The following TMEM175 variants were observed in gnomAD, a reference collection of about 807,000 sequenced individuals.
TMEM175 encodes the protein endosomal/lysosomal proton channel TMEM175.
In TMEM175, 36 loss-of-function variants were observed where a neutral mutation model predicts 36.5. The ratio of observed to expected loss-of-function variants is 0.99; its 90% CI spans 0.76 to 1.30. The LOEUF is 1.30. Ranked by LOEUF, TMEM175 falls within the 50% of genes most tolerant of loss-of-function variation. The pLI, the probability that TMEM175 is intolerant of heterozygous loss-of-function variation, is 0.00. For missense variants in TMEM175, 705 were observed against 692.8 expected, an observed-to-expected ratio of 1.02 and a Z score of -0.20; for synonymous variants, 339 against 313.4, an observed-to-expected ratio of 1.08 and a Z score of -0.86.
At chr4:956,344 T>G (rs1466696482) in intron 10 of TMEM175, 1 of 1,290,804 alleles carries the variant, frequency 7.7e-7, no homozygotes, top group Non-Finnish European at 1.0e-6. Flanking sequence ...GGCTGGCTGT[T>G]GCTTCCTTCC....
At chr4:934,996 G>C (rs1222176908) in intron 1 of TMEM175, among the ~76,000 whole-genome samples, 1 of 152,210 alleles carries the variant, frequency 6.6e-6, no homozygotes, top group Non-Finnish European at 1.5e-5. Context: ...CTGAAAGTGA[G>C]AGGGGAAGTA....
At chr4:948,554 C>T (rs1268397063) in intron 3 of TMEM175, 16 of 1,338,742 alleles carry the variant, frequency 1.2e-5, no homozygotes, top group Non-Finnish European at 1.5e-5. Flanking sequence ...TCTGAGTAAA[C>T]GCGGCCAGCG....
intron 10 of TMEM175, chr4:956,298 G>GC (rs1190002920): frequency 3.1e-6 from 4 of 1,281,436 alleles, no homozygotes; most frequent in African/African-American, 1.6e-5. Flanking sequence ...CCCTCCCAGT[G>GC]CCCCCCATCG....
At chr4:956,448 T>G (rs1249098804) in intron 10 of TMEM175, 4 of 1,259,890 alleles carry the variant, frequency 3.2e-6, no homozygotes, top group African/African-American at 1.6e-5. Flanking sequence ...GTGGGGTTTT[T>G]TTTTTTTTTT....
chr4:949,492 G>A (rs1270866068), intron 3 of TMEM175, among the ~76,000 whole-genome samples: 12 of 152,180 alleles, frequency 7.9e-5, no homozygotes, highest in Non-Finnish European at 1.8e-4. Flanking sequence ...GTGAGGAGAG[G>A]GGACTCCTGG....
At chr4:957,765 G>T (rs1182573808) in intron 10 of TMEM175, 59 bp from the exon 11 acceptor site, 2 of 1,532,734 alleles carry the variant, frequency 1.3e-6, no homozygotes, top group Non-Finnish European at 1.8e-6. Context: ...CAGCCACCCT[G>T]CTGGGGCCTG....
At chr4:951,157 A>G (rs765545461) in intron 4 of TMEM175, 50 bp from the exon 5 acceptor site, 3 of 1,537,828 alleles carry the variant, frequency 2.0e-6, no homozygotes, top group South Asian at 2.2e-5. Flanking sequence ...TGTGCATTTA[A>G]TGTTACTACA....
At position 955,431 on chromosome 4, in the gene TMEM175, C is replaced by G; in HGVS notation, c.654C>G (p.Ile218Met). Residue 218 changes from isoleucine (I) to methionine (M), a missense_variant, in exon 9 of 11, where the codon ATC (isoleucine) becomes ATG (methionine). Physicochemically the swap from Ile to Met is conservative, Grantham distance 10 (BLOSUM62 1). Coordinates refer to ENST00000264771, the MANE Select transcript of TMEM175 (RefSeq NM_032326.4). ...CTTACCTGCTGATGGTGACTGTCAT[C>G]CTCCTCCCCTATGTCAGCAAGGTCA... ...PLSYLLMVTVILLPYVSKVTG... is the reference protein window; with the variant it reads ...PLSYLLMVTVMLLPYVSKVTG... 6.2e-7 allele frequency: 1 copy of G among 1,614,142 alleles called. No individual in the cohort carries two copies. Among genetic ancestry groups the G allele is most frequent in the African/African-American group, 1.3e-5 (1 of 75,068 alleles).
chr4:947,256 C>CG (rs754529044), intron 1 of TMEM175, among the ~76,000 whole-genome samples: 1 of 136,742 alleles, frequency 7.3e-6, no homozygotes, highest in Non-Finnish European at 1.6e-5. Flanking sequence ...AGAGCGAGAG[C>CG]GGGGGAGAGC....
rs889573203 is a variant in TMEM175 at position 951,702 on chromosome 4, C to T, written c.363C>T (p.Thr121=). 2 of 1,614,188 alleles carry T rather than the reference C, an allele frequency of 1.2e-6. No homozygotes were observed. Among genetic ancestry groups the T allele is most frequent in the Non-Finnish European group, 8.5e-7 (1 of 1,180,014 alleles). The change falls in exon 6 of 11, where the codon ACC becomes ACT. Residue 121 remains threonine, a synonymous_variant. Coordinates refer to ENST00000264771, the MANE Select transcript of TMEM175 (RefSeq NM_032326.4). ...LLNLACMMTI[T]FLPYTFSLMV... is the part of the protein sequence containing the mutation. Reference sequence around the variant, plus strand: ...TCCAGGCCTGCATGATGACCATCACCTTCCTGCCTTACACGGTGAGCAACA... The same window carrying T: ...TCCAGGCCTGCATGATGACCATCACTTTCCTGCCTTACACGGTGAGCAACA...
chr4:953,135 G>A, intron 7 of TMEM175, 55 bp from the exon 8 acceptor site: 2 of 1,537,064 alleles, frequency 1.3e-6, no homozygotes, highest in African/African-American at 1.4e-5. Flanking sequence ...GTTGACTGCT[G>A]TGGGGGCCCC....
At chr4:948,466 TC>T in intron 3 of TMEM175, 1 of 1,457,776 alleles carries the variant, frequency 6.9e-7, no homozygotes, top group South Asian at 1.2e-5. Context: ...AGAGGAAGGT[TC>T]CGGGCCTGCC....
intron 9 of TMEM175, 46 bp from the exon 10 acceptor site, chr4:955,709 C>T (rs1577447864): frequency 6.2e-7 from 1 of 1,600,186 alleles, no homozygotes; most frequent in Middle Eastern, 1.9e-4. Flanking sequence ...GGCTCTACCT[C>T]CACATGGGGG....
chr4:951,960 G>C (rs1368725113), intron 6 of TMEM175: 7 of 594,652 alleles, frequency 1.2e-5, no homozygotes, highest in Non-Finnish European at 2.1e-5. Flanking sequence ...CCGGCCCTGA[G>C]CCCACAGCCC....
Position 947,731 on chromosome 4 carries a change from G to A in TMEM175, c.-9G>A, listed in dbSNP as rs751404824. 8 of 1,595,600 alleles carry A rather than the reference G, an allele frequency of 5.0e-6. No homozygotes were observed. In the Admixed American group the frequency reaches 6.8e-5, roughly 14 times the overall value. ...CAGGCTCCTGTAACCGCCAGGCAGC[G>A]GCCCCGCCATGTCCCAGCCCCGGAC... is the stretch of plus-strand genomic sequence containing the variant. On this transcript the variant is annotated 5_prime_UTR_variant, in exon 2 of 11. Coordinates refer to ENST00000264771, the MANE Select transcript of TMEM175 (RefSeq NM_032326.4).
intron 10 of TMEM175, chr4:956,179 A>T (rs1286309285): frequency 2.7e-6 from 2 of 736,610 alleles, no homozygotes; most frequent in Non-Finnish European, 4.0e-6. Context: ...TGCTCTCCTC[A>T]CTCCTCTCAG....
At chr4:956,702 C>G in intron 10 of TMEM175, 1 of 344,006 alleles carries the variant, frequency 2.9e-6, no homozygotes, top group East Asian at 8.2e-5. Flanking sequence ...CCTCGGCCTC[C>G]CAAAGTGCTG....
In TMEM175 at chr4:950,360, G is replaced by C. The variant is rs925512832; in HGVS notation, c.193-61G>C. 8 of 1,369,074 alleles carry C rather than the reference G, an allele frequency of 5.8e-6. No homozygotes were observed. The Admixed American group carries it at 1.0e-4, about 17-fold the overall frequency. The allele number at this position is 1,369,074 out of a possible 1,614,324, so 84.8% of individuals were successfully genotyped here. Reference sequence around the variant, plus strand: ...CAGCCCCCCCTCACGGTGCTGTCTCGACTGCCATTCAGGGACACTCATGTC... The same window carrying C: ...CAGCCCCCCCTCACGGTGCTGTCTCCACTGCCATTCAGGGACACTCATGTC... On this transcript the variant is annotated intron_variant, in intron 3 of 10. Coordinates refer to ENST00000264771, the MANE Select transcript of TMEM175 (RefSeq NM_032326.4).
chr4:944,600 T>C (rs1337731327), intron 1 of TMEM175, among the ~76,000 whole-genome samples: 1 of 152,064 alleles, frequency 6.6e-6, no homozygotes, highest in East Asian at 1.9e-4. Context: ...ACACATACGG[T>C]GTGTGTATAA....
Sources: allele counts gnomAD v4.1 joint callset (sites outside exome capture counted in the v4.1 genomes callset), GRCh38; gene constraint gnomAD v4.1.1; transcripts MANE v1.5; gene names NCBI Gene and HGNC (gene_info 2026-07-23, HGNC 2026-07-21).